The following WDR70 variants were observed in gnomAD, a reference collection of about 807,000 sequenced individuals.
WDR70 encodes WD repeat domain 70, also known as WD repeat-containing protein 70.
In WDR70, 53 loss-of-function variants were observed where a neutral mutation model predicts 88.6. The ratio of observed to expected loss-of-function variants is 0.60; its 90% CI spans 0.48 to 0.75. The LOEUF is 0.75. WDR70 is among the 30% of genes least tolerant of loss of function. WDR70 has a pLI of 0.00. For synonymous variants in WDR70, 280 were observed against 270.0 expected (o/e 1.04, Z -0.36); for missense variants, 610 against 823.2 (o/e 0.74, Z 3.17).
At chr5:37,743,406 A>G (rs1238309257) in intron 17 of WDR70, among the ~76,000 whole-genome samples, 2 of 152,208 alleles carry the variant, frequency 1.3e-5, no homozygotes, top group African/African-American at 4.8e-5. Flanking sequence ...GCTTAAGCCT[A>G]CCGAATTCCC....
At chr5:37,592,908 G>T (rs1212064538) in intron 9 of WDR70, among the ~76,000 whole-genome samples, 1 of 152,216 alleles carries the variant, frequency 6.6e-6, no homozygotes, top group African/African-American at 2.4e-5. Flanking sequence ...TAATTCCAGT[G>T]CTTTGGCAGA....
At chr5:37,462,341 C>T (rs954305621) in intron 7 of WDR70, among the ~76,000 whole-genome samples, 6 of 152,194 alleles carry the variant, frequency 3.9e-5, no homozygotes, top group Middle Eastern at 3.4e-3. Context: ...CTCGCTCATT[C>T]GCCCAGGCTG....
intron 10 of WDR70, among the ~76,000 whole-genome samples, chr5:37,677,752 T>C (rs956810563): frequency 6.6e-6 from 1 of 152,206 alleles, no homozygotes; most frequent in Non-Finnish European, 1.5e-5. Context: ...CTATTAGGTC[T>C]GCTTGGTGCA....
chr5:37,676,623 G>C (rs1470681958), intron 10 of WDR70, among the ~76,000 whole-genome samples: 1 of 152,004 alleles, frequency 6.6e-6, no homozygotes, highest in Non-Finnish European at 1.5e-5. Flanking sequence ...ATGTGCTGCT[G>C]GATTCGGTTT....
chr5:37,434,911 C>T (rs1750423850), intron 5 of WDR70, among the ~76,000 whole-genome samples: 1 of 152,178 alleles, frequency 6.6e-6, no homozygotes, highest in Non-Finnish European at 1.5e-5. Context: ...AAATTTCACA[C>T]TAAGCTATAT....
At chr5:37,611,819 C>A in intron 10 of WDR70, among the ~76,000 whole-genome samples, 1 of 145,406 alleles carries the variant, frequency 6.9e-6, no homozygotes. Flanking sequence ...CTTTGACATA[C>A]CATTTTAGCT....
At chr5:37,626,096 C>T (rs140713005) in intron 10 of WDR70, among the ~76,000 whole-genome samples, 11 of 151,446 alleles carry the variant, frequency 7.3e-5, no homozygotes, top group African/African-American at 2.2e-4. Flanking sequence ...TCTCCCTTTC[C>T]GATTTGGATG....
At chr5:37,738,781 T>C (rs1012177807) in intron 17 of WDR70, among the ~76,000 whole-genome samples, 10 of 152,168 alleles carry the variant, frequency 6.6e-5, no homozygotes, top group African/African-American at 9.7e-5. Flanking sequence ...TGAGAATCAG[T>C]TTTCCAAAAA....
At chr5:37,725,935 A>C (rs1363839339) in intron 16 of WDR70, among the ~76,000 whole-genome samples, 1 of 151,966 alleles carries the variant, frequency 6.6e-6, no homozygotes, top group Non-Finnish European at 1.5e-5. Flanking sequence ...AATCAAATCT[A>C]CCCCTGTAGC....
At chr5:37,672,240 C>T (rs954690547) in intron 10 of WDR70, among the ~76,000 whole-genome samples, 4 of 152,236 alleles carry the variant, frequency 2.6e-5, no homozygotes, top group African/African-American at 9.6e-5. Flanking sequence ...AAGGTTTCCC[C>T]CCACTGAGAC....
At chr5:37,424,829 A>C (rs1750071639) in intron 5 of WDR70, among the ~76,000 whole-genome samples, 2 of 152,360 alleles carry the variant, frequency 1.3e-5, no homozygotes, top group South Asian at 4.1e-4. Flanking sequence ...TTGTCAAAAA[A>C]GTATTTTTTT....
intron 5 of WDR70, among the ~76,000 whole-genome samples, chr5:37,416,224 G>A (rs1387933527): frequency 1.3e-5 from 2 of 152,218 alleles, no homozygotes; most frequent in Non-Finnish European, 2.9e-5. Context: ...GGGCACCACT[G>A]AGCACTGAGT....
At chr5:37,423,597 A>G (rs1393077251) in intron 5 of WDR70, among the ~76,000 whole-genome samples, 1 of 127,444 alleles carries the variant, frequency 7.8e-6, no homozygotes, top group Non-Finnish European at 1.6e-5. Flanking sequence ...GGTGTCTTGC[A>G]CTGTCTCCCA....
intron 14 of WDR70, 99 bp downstream of exon 14, chr5:37,721,314 G>C: frequency 9.6e-7 from 1 of 1,039,228 alleles, no homozygotes. Flanking sequence ...CTTTGATGGA[G>C]ATCCACCCAT....
In WDR70 at chr5:37,492,613, G is replaced by A. The variant is rs143447732; in HGVS notation, c.840+12626G>A. 8.6e-3 allele frequency among the ~76,000 whole-genome samples: 1,312 copies of A among 152,316 alleles called. 18 individuals are homozygous for A. Among genetic ancestry groups the A allele is most frequent in the African/African-American group, 0.03 (1,248 of 41,570 alleles). ...GGTATTCTAAGTGTAGGAGGGACTT[G>A]ATGTCAGGGAGATTCTCTGCTGCTG... On this transcript the variant is annotated intron_variant, in intron 8 of 17. Transcript: ENST00000265107.
At chr5:37,721,249 GACA>G (rs777415158) in intron 14 of WDR70, 34 bp downstream of exon 14, 2 of 1,582,096 alleles carry the variant, frequency 1.3e-6, no homozygotes, top group South Asian at 2.2e-5. Context: ...TTAGATGGAT[GACA>G]ACAACTGGGG....
intron 10 of WDR70, among the ~76,000 whole-genome samples, chr5:37,690,234 G>GTTT (rs1463410327): frequency 6.6e-6 from 1 of 152,336 alleles, no homozygotes; most frequent in Non-Finnish European, 1.5e-5. Context: ...ATCTATGTTT[G>GTTT]ATTGGTGTAC....
rs1749900958 is a variant in WDR70, at chr5:37,420,178, C to T, written c.493-17744C>T. Among the ~76,000 whole-genome samples the T allele has an allele frequency of 2.0e-5, 3 of 152,090 alleles. No individual in the cohort carries two copies. The South Asian group carries it at 6.2e-4, about 32-fold the overall frequency. On this transcript the variant is annotated intron_variant, in intron 5 of 17. Coordinates refer to ENST00000265107, the MANE Select transcript of WDR70 (RefSeq NM_018034.4). ...GGGAGTTCAAGACCAGCCTGGGCAA[C>T]ATAGACCCAGTCTCTACAAAATAAA...
chr5:37,397,960 C>A (rs2111908977), intron 5 of WDR70, among the ~76,000 whole-genome samples: 1 of 149,306 alleles, frequency 6.7e-6, no homozygotes, highest in Middle Eastern at 3.5e-3. Flanking sequence ...TGCACCACTG[C>A]TCTCCAGCCT....
Sources: allele counts gnomAD v4.1 joint callset (sites outside exome capture counted in the v4.1 genomes callset), GRCh38; gene constraint gnomAD v4.1.1; transcripts MANE v1.5; gene names NCBI Gene and HGNC (gene_info 2026-07-23, HGNC 2026-07-21).